Variants in RPS6KB1 observed in about 807,000 individuals in gnomAD.
The protein encoded by RPS6KB1 is ribosomal protein S6 kinase beta-1.
In RPS6KB1, 12 loss-of-function variants were observed where a neutral mutation model predicts 70.2. That is an observed-to-expected ratio of 0.17 (90% CI 0.11 to 0.28). The LOEUF (loss-of-function observed/expected upper bound fraction) is 0.28, where lower values mean the gene tolerates loss of function less well. Ranked by LOEUF, RPS6KB1 falls within the 10% of genes least tolerant of loss-of-function variation. RPS6KB1 has a pLI of 1.00. For synonymous variants in RPS6KB1, 175 were observed against 211.2 expected (o/e 0.83, Z 1.49); for missense variants, 270 against 646.6 (o/e 0.42, Z 6.32).
Position 59,947,856 on chromosome 17 carries a change from T to C in RPS6KB1, c.*1068T>C. 2.4e-6 allele frequency: 1 copy of C among 417,834 alleles called. No individual in the cohort carries two copies. Among genetic ancestry groups the C allele is most frequent in the Non-Finnish European group, 4.4e-6 (1 of 229,782 alleles). 25.9% of individuals were successfully genotyped at this position (417,834 alleles called of 1,614,324 possible). A position where few individuals can be genotyped will look rare whatever the true frequency, so the allele number is the denominator to read the frequency against. On this transcript the variant is annotated 3_prime_UTR_variant, in exon 15 of 15. Coordinates refer to ENST00000225577, the MANE Select transcript of RPS6KB1 (RefSeq NM_003161.4). ...GAGGGTGTTGCTGTGGCCCACTCTC[T>C]GTCTAATCTCTTTACAGCAAATTGG...
chr17:59,945,636 C>T (rs1222330104), intron 14 of RPS6KB1, 118 bp downstream of exon 14: 2 of 632,384 alleles, frequency 3.2e-6, no homozygotes, highest in Non-Finnish European at 2.9e-6. Context: ...CTTTGGTTGA[C>T]ATAAGCACAG....
rs1463601808 is a variant in RPS6KB1 at position 59,911,734 on chromosome 17, G to A, written c.192-950G>A. On this transcript the variant is annotated intron_variant, in intron 2 of 14. Transcript: ENST00000225577. Reference sequence around the variant, plus strand: ...TAATTTTTGTATTTTTAATAGAGACGGGGTTTCACCATGTTGGCTAGGCTG... The same window carrying A: ...TAATTTTTGTATTTTTAATAGAGACAGGGTTTCACCATGTTGGCTAGGCTG... 3.3e-5 allele frequency among the ~76,000 whole-genome samples: 5 copies of A among 150,428 alleles called. No individual in the cohort carries two copies. The East Asian group carries it at 5.9e-4, about 18-fold the overall frequency.
intron 4 of RPS6KB1, 147 bp downstream of exon 4, chr17:59,914,850 C>T: frequency 1.5e-6 from 1 of 656,818 alleles, no homozygotes; most frequent in African/African-American, 1.8e-5. Flanking sequence ...TATCTCAAGC[C>T]AGGTACAGTG....
chr17:59,945,388 A>G lies in RPS6KB1; in HGVS notation c.1228-18A>G. On this transcript the variant is annotated intron_variant, in intron 13 of 14. Coordinates refer to ENST00000225577, the MANE Select transcript of RPS6KB1 (RefSeq NM_003161.4). ...ATGACAAAATGCCATTCTGTAGTCCACTGTTACTGTCTTTCAGGGTTTTAC... is the reference window on the plus strand; with the variant it reads ...ATGACAAAATGCCATTCTGTAGTCCGCTGTTACTGTCTTTCAGGGTTTTAC... 2 of 1,368,086 alleles carry G rather than the reference A, an allele frequency of 1.5e-6. No individual in the cohort carries two copies. The highest frequency in any genetic ancestry group is 2.1e-6 in the Non-Finnish European group (2 of 958,716). The allele number at this position is 1,368,086 out of a possible 1,614,324, so 84.7% of individuals were successfully genotyped here.
intron 1 of RPS6KB1, among the ~76,000 whole-genome samples, chr17:59,894,093 G>T (rs2144628270): frequency 6.6e-6 from 1 of 152,046 alleles, no homozygotes; most frequent in East Asian, 1.9e-4. Context: ...AAAACCAGTT[G>T]ACAGCCTTGA....
At chr17:59,896,713 G>A (rs368510236) in intron 1 of RPS6KB1, among the ~76,000 whole-genome samples, 2 of 152,092 alleles carry the variant, frequency 1.3e-5, no homozygotes, top group Admixed American at 6.6e-5. Flanking sequence ...GAAAGTCTGG[G>A]GAAAGAGCAA....
At chr17:59,933,202 C>CTT (rs879488247) in intron 7 of RPS6KB1, among the ~76,000 whole-genome samples, 3 of 141,684 alleles carry the variant, frequency 2.1e-5, no homozygotes, top group Non-Finnish European at 1.6e-5. Context: ...CTCCACCCAC[C>CTT]TTTTTTTTTT....
At chr17:59,928,281 T>C (rs1269288943) in intron 5 of RPS6KB1, among the ~76,000 whole-genome samples, 1 of 152,206 alleles carries the variant, frequency 6.6e-6, no homozygotes, top group Non-Finnish European at 1.5e-5. Context: ...TGTATACATA[T>C]ATACATGCAT....
intron 1 of RPS6KB1, among the ~76,000 whole-genome samples, chr17:59,906,751 A>G (rs1050050044): frequency 1.6e-4 from 25 of 151,830 alleles, no homozygotes; most frequent in Admixed American, 3.9e-4. Flanking sequence ...CTGGAGTGCA[A>G]TGGTGTGATC....
rs1332475355 is a variant in RPS6KB1 at position 59,938,096 on chromosome 17, C to G, written c.1119+1555C>G. ...GGTCATCTTGTTTAAACATAACTGC[C>G]ATCCCATCATCACACCTCAGAAGTT... On this transcript the variant is annotated intron_variant, in intron 12 of 14. Coordinates refer to ENST00000225577, the MANE Select transcript of RPS6KB1 (RefSeq NM_003161.4). Among the ~76,000 whole-genome samples the G allele has an allele frequency of 4.7e-5, 7 of 150,304 alleles. No homozygotes were observed. The South Asian group carries it at 1.1e-3, about 23-fold the overall frequency.
chr17:59,935,632 G>A (rs1273811572), intron 10 of RPS6KB1, among the ~76,000 whole-genome samples: 4 of 151,642 alleles, frequency 2.6e-5, no homozygotes, highest in South Asian at 2.1e-4. Context: ...CCGCCACCAC[G>A]CCCGGCTAAT....
chr17:59,897,597 T>C (rs1212822302), intron 1 of RPS6KB1, among the ~76,000 whole-genome samples: 5 of 152,196 alleles, frequency 3.3e-5, no homozygotes, highest in African/African-American at 1.2e-4. Context: ...ATAGTTTATT[T>C]AATTAGAGAT....
rs2045007333 is a variant in RPS6KB1, at chr17:59,947,667, C to T, written c.*879C>T. ...CCTACATTTCATCATTGTCCCGGGC[C>T]TGCATTGCACTGGAAAAAAAAATCG... is the stretch of plus-strand genomic sequence containing the variant. On this transcript the variant is annotated 3_prime_UTR_variant, in exon 15 of 15. Coordinates refer to ENST00000225577, the MANE Select transcript of RPS6KB1 (RefSeq NM_003161.4). 1.1e-6 allele frequency: 1 copy of T among 919,188 alleles called. No homozygotes were observed. Among genetic ancestry groups the T allele is most frequent in the East Asian group, 2.7e-5 (1 of 37,472 alleles). 56.9% of individuals were successfully genotyped at this position (919,188 alleles called of 1,614,324 possible). A position where few individuals can be genotyped will look rare whatever the true frequency, so the allele number is the denominator to read the frequency against.
At chr17:59,941,430 T>C (rs981950098) in intron 13 of RPS6KB1, among the ~76,000 whole-genome samples, 3 of 151,540 alleles carry the variant, frequency 2.0e-5, no homozygotes, top group African/African-American at 4.9e-5. Context: ...GCTCAAGTGA[T>C]CCACCCATTT....
In RPS6KB1 at chr17:59,928,501, C is replaced by G. The variant is rs544024249; in HGVS notation, c.530-1616C>G. Among the ~76,000 whole-genome samples the G allele has an allele frequency of 8.5e-5, 13 of 152,048 alleles. No individual in the cohort carries two copies. In the Middle Eastern group the frequency reaches 0.01, roughly 119 times the overall value. On this transcript the variant is annotated intron_variant, in intron 5 of 14. Transcript: ENST00000225577. ...AGTAGCTGGGATTACAGGCACCCAC[C>G]ACCACGCCCAGCTAATTTTTGTATT...
intron 12 of RPS6KB1, among the ~76,000 whole-genome samples, chr17:59,939,441 A>G (rs1192785661): frequency 6.6e-6 from 1 of 151,994 alleles, no homozygotes; most frequent in African/African-American, 2.4e-5. Flanking sequence ...CACCATGCCC[A>G]GCTAATTTTT....
At chr17:59,905,295 G>A (rs1598665740) in intron 1 of RPS6KB1, among the ~76,000 whole-genome samples, 2 of 151,530 alleles carry the variant, frequency 1.3e-5, no homozygotes, top group South Asian at 2.1e-4. Flanking sequence ...AGCATTAGCC[G>A]CTGTGCTCAG....
rs1421301932 is a variant in RPS6KB1 at position 59,948,342 on chromosome 17, T to C, written c.*1554T>C. ...TATCACCTTTTTTGTTTGTCTTTTA[T>C]AATGTCTTCAGTCTGAGTGTGCAAA... On this transcript the variant is annotated 3_prime_UTR_variant, in exon 15 of 15. Coordinates refer to ENST00000225577, the MANE Select transcript of RPS6KB1 (RefSeq NM_003161.4). 6.6e-6 allele frequency: 1 copy of C among 152,640 alleles called. No homozygotes were observed. 9.5% of individuals were successfully genotyped at this position (152,640 alleles called of 1,614,324 possible).
chr17:59,928,403 T>C (rs1251518806), intron 5 of RPS6KB1, among the ~76,000 whole-genome samples: 1 of 150,902 alleles, frequency 6.6e-6, no homozygotes, highest in Non-Finnish European at 1.5e-5. Flanking sequence ...TTTTTTGAGA[T>C]GGAGTCTCAC....
Sources: allele counts gnomAD v4.1 joint callset (sites outside exome capture counted in the v4.1 genomes callset), GRCh38; gene constraint gnomAD v4.1.1; transcripts MANE v1.5; gene names NCBI Gene and HGNC (gene_info 2026-07-23, HGNC 2026-07-21).